Variants in HDAC9 observed in about 807,000 individuals in gnomAD.
The protein encoded by HDAC9 is histone deacetylase 9.
HDAC9 carries 41 observed loss-of-function variants against 139.4 expected under a neutral mutation model. The ratio of observed to expected loss-of-function variants is 0.29; its 90% CI spans 0.23 to 0.38. HDAC9 has a LOEUF of 0.38. Ranked by LOEUF, HDAC9 falls within the 10% of genes least tolerant of loss-of-function variation. The pLI is 1.00. For missense variants in HDAC9, 1,147 were observed against 1,297.0 expected (o/e 0.88, Z 1.78); for synonymous variants, 517 against 476.2 (o/e 1.09, Z -1.12).
intron 2 of HDAC9, among the ~76,000 whole-genome samples, chr7:18,532,700 G>A (rs1186811555): frequency 1.3e-5 from 2 of 152,050 alleles, no homozygotes; most frequent in African/African-American, 2.4e-5. Flanking sequence ...AGTAAGTCAT[G>A]CATTTAGTTT....
intron 25 of HDAC9, among the ~76,000 whole-genome samples, chr7:18,980,729 T>TCTTCTTC (rs1563103214): frequency 1.5e-5 from 2 of 129,956 alleles, no homozygotes; most frequent in African/African-American, 5.9e-5. Context: ...TCTTCTTCCT[T>TCTTCTTC]CTTCTTCTTC....
chr7:18,441,763 TTTG>T (rs200207868), intron 1 of HDAC9, among the ~76,000 whole-genome samples: 2,304 of 150,296 alleles, frequency 0.015, 65 homozygotes, highest in African/African-American at 0.053. Flanking sequence ...ACATATATGT[TTTG>T]TTGTTGTTGT....
At chr7:18,474,783 A>T (rs1479341998) in intron 1 of HDAC9, among the ~76,000 whole-genome samples, 1 of 152,152 alleles carries the variant, frequency 6.6e-6, no homozygotes, top group Non-Finnish European at 1.5e-5. Context: ...GAATCTGGAA[A>T]ATCTAGAGGA....
chr7:18,874,437 C>T, intron 21 of HDAC9, 41 bp from the exon 22 acceptor site: 1 of 1,275,800 alleles, frequency 7.8e-7, no homozygotes, highest in Non-Finnish European at 1.1e-6. Context: ...TAAAGGTATT[C>T]ACCAGTCCCA....
At chr7:18,976,217 G>T (rs141510386) in intron 25 of HDAC9, among the ~76,000 whole-genome samples, 3 of 152,298 alleles carry the variant, frequency 2.0e-5, no homozygotes, top group Non-Finnish European at 4.4e-5. Flanking sequence ...GAAAAATCAC[G>T]CCTTATCAGA....
intron 1 of HDAC9, among the ~76,000 whole-genome samples, chr7:18,384,657 C>G (rs1785748576): frequency 1.3e-5 from 2 of 151,810 alleles, no homozygotes; most frequent in African/African-American, 4.8e-5. Flanking sequence ...ATCACTGATG[C>G]AGAAAGCAGC....
intron 2 of HDAC9, among the ~76,000 whole-genome samples, chr7:18,539,399 C>T (rs1811987976): frequency 6.6e-6 from 1 of 152,184 alleles, no homozygotes; most frequent in African/African-American, 2.4e-5. Flanking sequence ...GGGAAACTGT[C>T]ACAGATCAGA....
chr7:18,149,247 T>G lies in HDAC9; in HGVS notation c.-96-12982T>G, dbSNP rs190039189. Among the ~76,000 whole-genome samples the G allele has an allele frequency of 4.6e-5, 7 of 152,066 alleles. No homozygotes were observed. In the East Asian group the frequency reaches 1.4e-3, roughly 29 times the overall value. ...TCTTATTTCTAAATTGTTCTTTGTT[T>G]TGTTTTCTTACTCGTTTATACATAA... On this transcript the variant is annotated intron_variant, in intron 1 of 12. Coordinates refer to the HDAC9 transcript ENST00000417496.
At chr7:18,377,270 T>A (rs942556349) in intron 1 of HDAC9, among the ~76,000 whole-genome samples, 20 of 152,166 alleles carry the variant, frequency 1.3e-4, no homozygotes, top group African/African-American at 4.8e-4. Context: ...GAGCCATGGA[T>A]GATTGGGTAG....
intron 1 of HDAC9, among the ~76,000 whole-genome samples, chr7:18,321,787 A>C (rs1207509467): frequency 6.6e-6 from 1 of 152,204 alleles, no homozygotes; most frequent in Non-Finnish European, 1.5e-5. Context: ...CTGGTGCACA[A>C]TAGAACCATA....
At chr7:18,101,379 G>C (rs2731547) in intron 1 of HDAC9, among the ~76,000 whole-genome samples, 116,557 of 152,074 alleles carry the variant, frequency 0.77, 46,173 homozygotes, top group Non-Finnish European at 0.87. Flanking sequence ...TTTTCTGTTT[G>C]TCAAGGATTA....
At chr7:18,832,161 G>C (rs1384593815) in intron 19 of HDAC9, among the ~76,000 whole-genome samples, 1 of 152,192 alleles carries the variant, frequency 6.6e-6, no homozygotes, top group East Asian at 1.9e-4. Context: ...TTGTGTTTAG[G>C]GGATTAACTT....
intron 2 of HDAC9, among the ~76,000 whole-genome samples, chr7:18,225,886 T>C (rs1338131443): frequency 4.6e-5 from 7 of 152,162 alleles, no homozygotes; most frequent in Non-Finnish European, 1.0e-4. Flanking sequence ...TTATAAAATT[T>C]ATTAAGTCAT....
intron 3 of HDAC9, among the ~76,000 whole-genome samples, chr7:18,587,819 C>G (rs1829884824): frequency 6.6e-6 from 1 of 152,192 alleles, no homozygotes; most frequent in Non-Finnish European, 1.5e-5. Context: ...TTTTAAACCT[C>G]ATTCATGCAA....
At chr7:18,987,853 G>C (rs576139370) in intron 25 of HDAC9, among the ~76,000 whole-genome samples, 511 of 152,224 alleles carry the variant, frequency 3.4e-3, no homozygotes, top group Admixed American at 5.4e-3. Flanking sequence ...GTTTATTGGC[G>C]TAGAGGTGTT....
chr7:18,530,593 G>C (rs1458190237), intron 2 of HDAC9, among the ~76,000 whole-genome samples: 1 of 151,800 alleles, frequency 6.6e-6, no homozygotes. Flanking sequence ...TCTCTGAAAG[G>C]GTGTGAAGTT....
At chr7:18,665,505 A>G (rs1428221500) in intron 11 of HDAC9, among the ~76,000 whole-genome samples, 3 of 140,006 alleles carry the variant, frequency 2.1e-5, no homozygotes, top group Non-Finnish European at 4.4e-5. Context: ...AATTTATAAA[A>G]TAAATAAAAT....
chr7:18,668,902 T>TAAG, intron 12 of HDAC9: 1 of 982,744 alleles, frequency 1.0e-6, no homozygotes, highest in Non-Finnish European at 1.2e-6. Flanking sequence ...AGTTGAAGCT[T>TAAG]GCACACTAGA....
intron 12 of HDAC9, among the ~76,000 whole-genome samples, chr7:18,727,028 A>G (rs1785603247): frequency 6.6e-6 from 1 of 152,224 alleles, no homozygotes; most frequent in Non-Finnish European, 1.5e-5. Context: ...ACAAACTATG[A>G]AATATTCATT....
Sources: allele counts gnomAD v4.1 joint callset (sites outside exome capture counted in the v4.1 genomes callset), GRCh38; gene constraint gnomAD v4.1.1; transcripts MANE v1.5; gene names NCBI Gene and HGNC (gene_info 2026-07-23, HGNC 2026-07-21).